The following DMBT1 variants were observed in gnomAD, a reference collection of about 807,000 sequenced individuals.
The protein encoded by DMBT1 is deleted in malignant brain tumors 1.
A neutral mutation model predicts 252.9 loss-of-function variants in DMBT1; 198 were observed. The observed-to-expected ratio is 0.78, with a 90% CI of 0.70 to 0.88. DMBT1 has a LOEUF of 0.88. Among genes scored for constraint, DMBT1 ranks in the 40% least tolerant of loss-of-function variants. The pLI, the probability that DMBT1 is intolerant of heterozygous loss-of-function variation, is 0.00. For synonymous variants in DMBT1, 990 were observed against 942.7 expected (o/e 1.05, Z -0.92); for missense variants, 2,432 against 2,404.7 (o/e 1.01, Z -0.24).
Position 122,643,508 on chromosome 10 carries a change from C to CTGCA in DMBT1, c.*111_*114dup. On this transcript the variant is annotated 3_prime_UTR_variant, in exon 56 of 56. Coordinates refer to ENST00000338354, the MANE Select transcript of DMBT1 (RefSeq NM_001377530.1). ...AACTCAGATTGAGCCCTACATTGTG[C>CTGCA]TGCACCTGGTCATACGGAGTTGAAT... The CTGCA allele has an allele frequency of 7.1e-7, 1 of 1,406,090 alleles. No homozygotes were observed. The highest frequency in any genetic ancestry group is 9.5e-7 in the Non-Finnish European group (1 of 1,047,716). The allele number at this position is 1,406,090 out of a possible 1,614,324, so 87.1% of individuals were successfully genotyped here. A position where few individuals can be genotyped will look rare whatever the true frequency, so the allele number is the denominator to read the frequency against.
At chr10:122,624,084 G>T (rs2098096264) in intron 44 of DMBT1, among the ~76,000 whole-genome samples, 1 of 152,190 alleles carries the variant, frequency 6.6e-6, no homozygotes, top group Non-Finnish European at 1.5e-5. Context: ...GAGTGAGTCA[G>T]CCAGAGGTGG....
chr10:122,590,216 A>G (rs1478183162), intron 17 of DMBT1, among the ~76,000 whole-genome samples: 1 of 148,654 alleles, frequency 6.7e-6, no homozygotes, highest in Admixed American at 6.7e-5. Context: ...CTTGACTGCA[A>G]TTCCCTCCAG....
At position 122,618,092 on chromosome 10, in the gene DMBT1, A is replaced by G. The variant is rs150706313; in HGVS notation, c.4967A>G (p.Gln1656Arg). The change falls in exon 41 of 56, where the codon CAA (glutamine) becomes CGA (arginine). Residue 1656 changes from glutamine to arginine, a missense_variant. This residue lies in a region of DMBT1 where 1,162 missense variants were observed against 1,169.0 expected (regional missense o/e 0.99). Transcript: ENST00000338354. ...CGAGGCCGAGTGGAGGTCCTATACC[A>G]AGGCTCCTGGGGCACCGTGTGTGAT... ...RCRGRVEVLY[Q>R]GSWGTVCDDY... 6.8e-3 allele frequency: 11,000 copies of G among 1,613,592 alleles called. 452 individuals are homozygous for G. In the East Asian group the frequency reaches 0.12, roughly 17 times the overall value.
intron 42 of DMBT1, 102 bp downstream of exon 42, chr10:122,619,439 G>T (rs1472770171): frequency 2.1e-5 from 32 of 1,492,834 alleles, no homozygotes; most frequent in Non-Finnish European, 2.8e-6. Flanking sequence ...CGGATACTGT[G>T]GGGCATATTA....
chr10:122,573,833 G>C (rs752795958), intron 6 of DMBT1, 71 bp downstream of exon 6: 48 of 1,568,486 alleles, frequency 3.1e-5, no homozygotes, highest in Non-Finnish European at 4.1e-5. Flanking sequence ...CTCTGATTCA[G>C]ATGAGGTGCA....
Position 122,631,113 on chromosome 10 carries a change from C to A in DMBT1, c.6178C>A (p.Arg2060Ser), listed in dbSNP as rs369485069. 1 of 1,613,966 alleles carries A rather than the reference C, an allele frequency of 6.2e-7. No individual in the cohort carries two copies. Among genetic ancestry groups the A allele is most frequent in the African/African-American group, 1.3e-5 (1 of 75,024 alleles). ...GGTCTGCAGACAGCTAGGGTGTGGA[C>A]GTGCAGTTTCAGCCCTTGGAAATGC... ...EVVCRQLGCG[R>S]AVSALGNAYF... The change falls in exon 49 of 56, where the codon CGT becomes AGT. Residue 2060 changes from arginine to serine, a missense_variant. Arg to Ser is a moderately radical substitution (Grantham distance 110). This residue lies in a region of DMBT1 where 1,162 missense variants were observed against 1,169.0 expected (regional missense o/e 0.99). Coordinates refer to ENST00000338354, the MANE Select transcript of DMBT1 (RefSeq NM_001377530.1).
intron 54 of DMBT1, among the ~76,000 whole-genome samples, chr10:122,638,399 C>T (rs577276315): frequency 1.7e-4 from 26 of 152,308 alleles, no homozygotes; most frequent in South Asian, 1.0e-3. Context: ...GAATAGCACA[C>T]GCCACATTCT....
chr10:122,591,768 C>T lies in DMBT1; in HGVS notation c.2176+251C>T, dbSNP rs1352686259. Among the ~76,000 whole-genome samples the T allele has an allele frequency of 1.3e-5, 2 of 149,002 alleles. 1 individual carries two copies. Among genetic ancestry groups the T allele is most frequent in the Non-Finnish European group, 3.0e-5 (2 of 66,830 alleles). ...TAAAGATCCTCATTCAGGTGCTGGA[C>T]AAACCCTGGAGAGCTCCCTACTCCT... On this transcript the variant is annotated intron_variant, in intron 19 of 55. Coordinates refer to ENST00000338354, the MANE Select transcript of DMBT1 (RefSeq NM_001377530.1).
At chr10:122,573,807 G>A (rs2097687696) in intron 6 of DMBT1, 45 bp downstream of exon 6, 2 of 1,599,140 alleles carry the variant, frequency 1.3e-6, no homozygotes, top group Non-Finnish European at 1.7e-6. Flanking sequence ...TTACCCCCCT[G>A]CACCCCTAGG....
chr10:122,635,507 C>T (rs757630231), intron 52 of DMBT1, among the ~76,000 whole-genome samples: 5 of 152,152 alleles, frequency 3.3e-5, no homozygotes, highest in Admixed American at 2.6e-4. Context: ...ATGAGACTCT[C>T]TTGATTTAAG....
Position 122,643,521 on chromosome 10 carries a change from T to A in DMBT1, c.*123T>A. 1.5e-6 allele frequency: 2 copies of A among 1,352,298 alleles called. No homozygotes were observed. Among genetic ancestry groups the A allele is most frequent in the Non-Finnish European group, 2.0e-6 (2 of 1,007,872 alleles). The allele number at this position is 1,352,298 out of a possible 1,614,324, so 83.8% of individuals were successfully genotyped here. A position where few individuals can be genotyped will look rare whatever the true frequency, so the allele number is the denominator to read the frequency against. On this transcript the variant is annotated 3_prime_UTR_variant, in exon 56 of 56. Transcript: ENST00000338354. ...CCCTACATTGTGCTGCACCTGGTCATACGGAGTTGAATCAGACCTGGTTCC... is the reference window on the plus strand; with the variant it reads ...CCCTACATTGTGCTGCACCTGGTCAAACGGAGTTGAATCAGACCTGGTTCC...
chr10:122,567,159 G>A (rs1236967367), intron 2 of DMBT1, among the ~76,000 whole-genome samples: 1 of 152,214 alleles, frequency 6.6e-6, no homozygotes, highest in African/African-American at 2.4e-5. Flanking sequence ...ATCCAGAAAT[G>A]GCCTGGGAAA....
rs1376415891 is a variant in DMBT1, at chr10:122,592,324, G to A, written c.2229G>A (p.Gln743=). 2.5e-6 allele frequency: 4 copies of A among 1,587,944 alleles called. No individual in the cohort carries two copies. The African/African-American group carries it at 5.4e-5, about 21-fold the overall frequency. The change falls in exon 20 of 56, where the codon CAG becomes CAA. Residue 743 remains glutamine, a synonymous_variant. Coordinates refer to ENST00000338354, the MANE Select transcript of DMBT1 (RefSeq NM_001377530.1). ...TGGTGAATGGAAGTGACAGGTGTCAGGGCCGAGTAGAGGTCCTATACCGAG... is the reference window on the plus strand; with the variant it reads ...TGGTGAATGGAAGTGACAGGTGTCAAGGCCGAGTAGAGGTCCTATACCGAG... ...LRLVNGSDRC[Q]GRVEVLYRGS...
intron 26 of DMBT1, 97 bp downstream of exon 26, chr10:122,599,194 C>G (rs1445767862): frequency 1.9e-6 from 3 of 1,579,672 alleles, no homozygotes; most frequent in South Asian, 2.4e-5. Context: ...AAAGCTTCTT[C>G]TATGTTTTCT....
chr10:122,572,551 T>G (rs1182529531), intron 5 of DMBT1, among the ~76,000 whole-genome samples, 190 bp downstream of exon 5: 1 of 152,242 alleles, frequency 6.6e-6, no homozygotes. Flanking sequence ...CGAGCACGTT[T>G]GTACACGTGT....
chr10:122,577,930 C>A lies in DMBT1; in HGVS notation c.637+90C>A. 4 of 1,416,300 alleles carry A rather than the reference C, an allele frequency of 2.8e-6. No individual in the cohort carries two copies. The East Asian group carries it at 6.9e-5, about 25-fold the overall frequency. 87.7% of individuals were successfully genotyped at this position (1,416,300 alleles called of 1,614,324 possible). A position where few individuals can be genotyped will look rare whatever the true frequency, so the allele number is the denominator to read the frequency against. ...TCCACAGAGCCCTCCTGCTTCTCTG[C>A]AGATACTCTGGGGCATATTATTTCA... is the stretch of plus-strand genomic sequence containing the variant. On this transcript the variant is annotated intron_variant, in intron 8 of 55. Coordinates refer to ENST00000338354, the MANE Select transcript of DMBT1 (RefSeq NM_001377530.1).
chr10:122,592,266 C>G lies in DMBT1; in HGVS notation c.2177-6C>G. On this transcript the variant is annotated splice_polypyrimidine_tract_variant and splice_region_variant and intron_variant, in intron 19 of 55. Transcript: ENST00000338354. ...ATGGATAAAGGGTTCTTGTGTTCCC[C>G]TGTAGGATCTGAATCCAGTTTGACC... 1 of 1,586,334 alleles carries G rather than the reference C, an allele frequency of 6.3e-7. No homozygotes were observed. Among genetic ancestry groups the G allele is most frequent in the Non-Finnish European group, 8.6e-7 (1 of 1,165,320 alleles).
chr10:122,626,488 AT>A (rs562050695), intron 46 of DMBT1, among the ~76,000 whole-genome samples: 1 of 152,148 alleles, frequency 6.6e-6, no homozygotes, highest in Non-Finnish European at 1.5e-5. Flanking sequence ...TTTATAGATA[AT>A]TTTTTTGCAT....
rs775753378 is a variant in DMBT1 at position 122,592,555 on chromosome 10, C to T, written c.2460C>T (p.His820=). The T allele has an allele frequency of 1.3e-6, 2 of 1,588,380 alleles. No individual in the cohort carries two copies. Among genetic ancestry groups the T allele is most frequent in the African/African-American group, 1.3e-5 (1 of 74,666 alleles). The change falls in exon 20 of 56, where the codon CAC becomes CAT. Residue 820 remains histidine, a synonymous_variant. Coordinates refer to ENST00000338354, the MANE Select transcript of DMBT1 (RefSeq NM_001377530.1). ...WSCPHNGWLS[H]NCGHHEDAGV... ...GCCCCCACAATGGCTGGCTCTCCCA[C>T]AACTGTGGCCATCATGAAGATGCTG...
Sources: allele counts gnomAD v4.1 joint callset (sites outside exome capture counted in the v4.1 genomes callset), GRCh38; gene constraint gnomAD v4.1.1; regional missense constraint gnomAD v4.1.1; transcripts MANE v1.5; gene names NCBI Gene and HGNC (gene_info 2026-07-23, HGNC 2026-07-21).